PTPRE: variants seen among roughly 807,000 people sequenced by gnomAD.
The protein encoded by PTPRE is receptor-type tyrosine-protein phosphatase epsilon.
PTPRE carries 51 observed loss-of-function variants against 102.0 expected under a neutral mutation model. The observed-to-expected ratio is 0.50, with a 90% CI of 0.40 to 0.63. The LOEUF is 0.63. Ranked by LOEUF, PTPRE falls within the 30% of genes least tolerant of loss-of-function variation. The pLI, the probability that PTPRE is intolerant of heterozygous loss-of-function variation, is 0.00. For synonymous variants in PTPRE, 345 were observed against 348.2 expected, an observed-to-expected ratio of 0.99 and a Z score of 0.10; for missense variants, 752 against 915.1, an observed-to-expected ratio of 0.82 and a Z score of 2.30.
chr10:127,958,171 C>T (rs1849538887), intron 1 of PTPRE, among the ~76,000 whole-genome samples: 1 of 152,078 alleles, frequency 6.6e-6, no homozygotes, highest in Non-Finnish European at 1.5e-5. Flanking sequence ...TACTTCTTAA[C>T]CTGTATATCT....
At chr10:127,999,546 A>G (rs1275308715) in intron 2 of PTPRE, 8 of 985,216 alleles carry the variant, frequency 8.1e-6, no homozygotes, top group Non-Finnish European at 9.6e-6. Flanking sequence ...CTGCTTACCC[A>G]GCTGGGACTG....
intron 1 of PTPRE, among the ~76,000 whole-genome samples, chr10:127,931,704 GA>G (rs772276003): frequency 6.6e-6 from 1 of 152,202 alleles, no homozygotes; most frequent in Non-Finnish European, 1.5e-5. Context: ...ACATATTCCA[GA>G]AAAATGACCC....
chr10:128,076,472 A>C, intron 17 of PTPRE, 131 bp from the exon 18 acceptor site: 2 of 862,724 alleles, frequency 2.3e-6, no homozygotes, highest in Non-Finnish European at 3.3e-6. Flanking sequence ...TTATATTCAT[A>C]TTCATATGTT....
chr10:127,957,500 A>T (rs1199404623), intron 1 of PTPRE, among the ~76,000 whole-genome samples: 6 of 152,144 alleles, frequency 3.9e-5, no homozygotes, highest in African/African-American at 1.4e-4. Flanking sequence ...CTTAATCTGT[A>T]TACCTTTTAT....
At chr10:128,078,301 G>A (rs545615784) in intron 19 of PTPRE, among the ~76,000 whole-genome samples, 3 of 152,344 alleles carry the variant, frequency 2.0e-5, no homozygotes, top group East Asian at 3.9e-4. Context: ...GGACACCCTG[G>A]GCAGGTGGGA....
chr10:128,036,899 C>T (rs893571577), intron 2 of PTPRE, among the ~76,000 whole-genome samples: 8 of 152,294 alleles, frequency 5.3e-5, no homozygotes, highest in Admixed American at 2.0e-4. Context: ...AGGTGATGCT[C>T]GGGCTCCTGG....
chr10:127,979,823 CCT>C (rs1851468030), intron 1 of PTPRE, among the ~76,000 whole-genome samples: 1 of 152,198 alleles, frequency 6.6e-6, no homozygotes, highest in African/African-American at 2.4e-5. Context: ...TTGACTCAAG[CCT>C]GCTGCCACTG....
At chr10:127,988,525 G>A (rs1274614133) in intron 2 of PTPRE, among the ~76,000 whole-genome samples, 7 of 152,104 alleles carry the variant, frequency 4.6e-5, no homozygotes, top group Non-Finnish European at 7.4e-5. Context: ...GGCTGGTCTC[G>A]AACTCCTGAC....
At chr10:127,942,650 A>G (rs192513578) in intron 1 of PTPRE, among the ~76,000 whole-genome samples, 151 of 152,350 alleles carry the variant, frequency 9.9e-4, no homozygotes, top group Non-Finnish European at 1.7e-3. Context: ...TTCCACTCAC[A>G]TGAGGTCCCT....
intron 1 of PTPRE, among the ~76,000 whole-genome samples, chr10:127,964,098 C>T (rs772403926): frequency 1.4e-4 from 22 of 152,158 alleles, no homozygotes; most frequent in Non-Finnish European, 2.1e-4. Context: ...GAAGTTGAAC[C>T]CAGCATAACT....
chr10:127,969,231 T>C (rs546510773), intron 1 of PTPRE, among the ~76,000 whole-genome samples: 1 of 152,314 alleles, frequency 6.6e-6, no homozygotes, highest in South Asian at 2.1e-4. Flanking sequence ...CATCTTATGA[T>C]AAGAACGTAA....
At chr10:127,970,164 G>A (rs948296962) in intron 1 of PTPRE, among the ~76,000 whole-genome samples, 1 of 152,146 alleles carries the variant, frequency 6.6e-6, no homozygotes, top group African/African-American at 2.4e-5. Context: ...CACACTCCCA[G>A]ACTCCAGCTG....
At chr10:128,024,381 A>G (rs1590049212) in intron 2 of PTPRE, among the ~76,000 whole-genome samples, 1 of 152,316 alleles carries the variant, frequency 6.6e-6, no homozygotes, top group East Asian at 1.9e-4. Flanking sequence ...GAATTCAAGT[A>G]TGGCTTTAGG....
intron 1 of PTPRE, among the ~76,000 whole-genome samples, chr10:127,968,997 C>G (rs1352827837): frequency 6.6e-6 from 1 of 152,208 alleles, no homozygotes; most frequent in Non-Finnish European, 1.5e-5. Flanking sequence ...CATTCTAAGA[C>G]AACTTTATTT....
At chr10:127,997,597 G>A (rs544983269) in intron 2 of PTPRE, among the ~76,000 whole-genome samples, 1 of 152,312 alleles carries the variant, frequency 6.6e-6, no homozygotes, top group South Asian at 2.1e-4. Flanking sequence ...ATAAGTACAT[G>A]TACATGTATT....
chr10:128,038,966 G>T (rs983836541), intron 2 of PTPRE, among the ~76,000 whole-genome samples: 5 of 152,136 alleles, frequency 3.3e-5, no homozygotes, highest in African/African-American at 1.2e-4. Flanking sequence ...TGAACAAAAT[G>T]ATCTTTGTCT....
chr10:127,976,062 T>C (rs756301147), intron 1 of PTPRE, among the ~76,000 whole-genome samples: 1 of 152,132 alleles, frequency 6.6e-6, no homozygotes, highest in African/African-American at 2.4e-5. Context: ...AAGGGTCTTC[T>C]CTTGGTGGCA....
chr10:128,059,985 C>T (rs545251446), intron 7 of PTPRE, among the ~76,000 whole-genome samples: 6 of 148,818 alleles, frequency 4.0e-5, no homozygotes, highest in Admixed American at 6.7e-5. Flanking sequence ...CCGCACATAA[C>T]GCACACACAT....
intron 1 of PTPRE, among the ~76,000 whole-genome samples, chr10:127,973,112 C>G (rs981448569): frequency 6.6e-5 from 10 of 152,210 alleles, no homozygotes; most frequent in African/African-American, 2.4e-4. Context: ...GAATGGAGCA[C>G]TGCATATTTT....
Sources: gnomAD v4.1 joint callset for allele counts (sites outside exome capture counted in the v4.1 genomes callset) on GRCh38, gnomAD v4.1.1 for gene constraint, MANE v1.5 for transcripts, NCBI Gene and HGNC (gene_info 2026-07-23, HGNC 2026-07-21) for gene names.